The following PCDH7 variants were observed in gnomAD, a reference collection of about 807,000 sequenced individuals.
PCDH7 encodes protocadherin-7.
A neutral mutation model predicts 58.9 loss-of-function variants in PCDH7; 17 were observed. That is an observed-to-expected ratio of 0.29 (90% confidence interval 0.20 to 0.43). The LOEUF (loss-of-function observed/expected upper bound fraction) is 0.43. Among genes scored for constraint, PCDH7 ranks in the 20% least tolerant of loss-of-function variants. PCDH7 has a pLI of 1.00. For synonymous variants in PCDH7, 664 were observed against 616.4 expected (o/e 1.08, Z -1.14); for missense variants, 1,274 against 1,441.0 (o/e 0.88, Z 1.88).
chr4:31,015,757 G>A (rs1299506249), intron 3 of PCDH7, among the ~76,000 whole-genome samples: 1 of 152,096 alleles, frequency 6.6e-6, no homozygotes, highest in Non-Finnish European at 1.5e-5. Context: ...TAGTGACAAT[G>A]TTTGTTTTCT....
At chr4:30,858,812 T>G (rs543570489) in intron 1 of PCDH7, among the ~76,000 whole-genome samples, 1 of 152,298 alleles carries the variant, frequency 6.6e-6, no homozygotes, top group East Asian at 1.9e-4. Context: ...GTCTTTTTTT[T>G]TTAAACTTAA....
chr4:30,856,704 A>AT (rs1398301503), intron 1 of PCDH7, among the ~76,000 whole-genome samples: 89 of 149,046 alleles, frequency 6.0e-4, no homozygotes, highest in African/African-American at 1.9e-3. Flanking sequence ...AAAAAAAAAA[A>AT]AAAATATATA....
At chr4:30,783,936 T>C (rs1343966418) in intron 1 of PCDH7, among the ~76,000 whole-genome samples, 4 of 151,726 alleles carry the variant, frequency 2.6e-5, no homozygotes, top group Non-Finnish European at 5.9e-5. Context: ...CTGCATTTGT[T>C]TGTGTATGTG....
intron 1 of PCDH7, among the ~76,000 whole-genome samples, chr4:30,862,798 T>C (rs1197671836): frequency 6.6e-6 from 1 of 152,060 alleles, no homozygotes; most frequent in African/African-American, 2.4e-5. Flanking sequence ...GAAATGAAAA[T>C]ATTTTTTCTC....
At chr4:30,807,230 A>C (rs1373827406) in intron 1 of PCDH7, among the ~76,000 whole-genome samples, 1 of 152,228 alleles carries the variant, frequency 6.6e-6, no homozygotes, top group Non-Finnish European at 1.5e-5. Flanking sequence ...ATCACAAATT[A>C]TTTTATTAAT....
At chr4:31,140,893 T>C (rs768634018) in intron 3 of PCDH7, among the ~76,000 whole-genome samples, 1 of 152,190 alleles carries the variant, frequency 6.6e-6, no homozygotes, top group Non-Finnish European at 1.5e-5. Context: ...TAATTAACCT[T>C]ACATTTTACC....
chr4:30,739,690 G>A (rs916109276), intron 1 of PCDH7, among the ~76,000 whole-genome samples: 1 of 152,082 alleles, frequency 6.6e-6, no homozygotes, highest in East Asian at 1.9e-4. Flanking sequence ...GTATTTATGT[G>A]TAGTGGACGT....
intron 3 of PCDH7, among the ~76,000 whole-genome samples, chr4:30,966,431 A>G (rs1318679426): frequency 6.6e-6 from 1 of 152,152 alleles, no homozygotes; most frequent in Non-Finnish European, 1.5e-5. Context: ...AAGATTTACT[A>G]TCCATAAAGT....
chr4:30,871,453 T>C (rs570335255), intron 1 of PCDH7, among the ~76,000 whole-genome samples: 106 of 152,054 alleles, frequency 7.0e-4, no homozygotes, highest in Non-Finnish European at 1.4e-3. Flanking sequence ...TTGCTTCCAA[T>C]AATATTCTGT....
chr4:30,728,292 TATATAG>T (rs1418434364), intron 1 of PCDH7, among the ~76,000 whole-genome samples: 2,216 of 99,042 alleles, frequency 0.022, 24 homozygotes, highest in South Asian at 0.045. Flanking sequence ...TATATATATA[TATATAG>T]AGAGAGAGAG....
chr4:30,834,824 C>T (rs1730266878), intron 1 of PCDH7, among the ~76,000 whole-genome samples: 1 of 151,658 alleles, frequency 6.6e-6, no homozygotes, highest in Non-Finnish European at 1.5e-5. Context: ...CTGGAGAGAT[C>T]TGATAAAATG....
chr4:31,038,849 A>G (rs1333190310), intron 3 of PCDH7, among the ~76,000 whole-genome samples: 1 of 152,176 alleles, frequency 6.6e-6, no homozygotes, highest in African/African-American at 2.4e-5. Flanking sequence ...GCAGCATTCT[A>G]TGATCTTTGT....
intron 1 of PCDH7, among the ~76,000 whole-genome samples, chr4:30,810,877 TGAGATTACAGGTGTGAGCCACCAC>T (rs1469600749): frequency 6.6e-6 from 1 of 152,176 alleles, no homozygotes; most frequent in Non-Finnish European, 1.5e-5. Flanking sequence ...CCCAACGTGC[TGAGATTACAGGTGTGAGCCACCAC>T]GTATGGCCAA....
chr4:30,754,163 T>G (rs570390015), intron 1 of PCDH7, among the ~76,000 whole-genome samples: 18 of 136,908 alleles, frequency 1.3e-4, no homozygotes, highest in South Asian at 6.5e-4. Flanking sequence ...AAACACTAGG[T>G]GTGTGTGTGT....
At chr4:31,077,070 C>T (rs1195809701) in intron 3 of PCDH7, among the ~76,000 whole-genome samples, 1 of 152,122 alleles carries the variant, frequency 6.6e-6, no homozygotes, top group Admixed American at 6.5e-5. Context: ...ATCATATATG[C>T]ATATATGTAT....
chr4:30,958,065 A>T (rs1748031071), intron 3 of PCDH7, among the ~76,000 whole-genome samples: 1 of 152,136 alleles, frequency 6.6e-6, no homozygotes. Flanking sequence ...AAGAGAGGAA[A>T]GAGTGGAAAA....
chr4:30,731,471 G>A (rs906234326), exon 2 of PCDH7: 10 of 151,714 alleles, frequency 6.6e-5, no homozygotes, highest in African/African-American at 2.2e-4. Context: ...GTAATGGATT[G>A]ATTTTTTTCT....
At chr4:30,866,474 C>A (rs904773639) in intron 1 of PCDH7, among the ~76,000 whole-genome samples, 2 of 152,008 alleles carry the variant, frequency 1.3e-5, no homozygotes, top group Non-Finnish European at 2.9e-5. Flanking sequence ...CAACAGCTTT[C>A]CTTATTTGAC....
chr4:31,080,147 A>C (rs915577461), intron 3 of PCDH7, among the ~76,000 whole-genome samples: 2 of 152,160 alleles, frequency 1.3e-5, no homozygotes, highest in Non-Finnish European at 2.9e-5. Flanking sequence ...AGTTGGAAAT[A>C]TTTAAATATA....
Sources: gnomAD v4.1 joint callset for allele counts (sites outside exome capture counted in the v4.1 genomes callset) on GRCh38, gnomAD v4.1.1 for gene constraint, MANE v1.5 for transcripts, NCBI Gene and HGNC (gene_info 2026-07-23, HGNC 2026-07-21) for gene names.